The following SPECC1 variants were observed in gnomAD, a reference collection of about 807,000 sequenced individuals.
SPECC1 encodes cytospin-B.
Under a neutral mutation model 104.1 loss-of-function variants are expected in SPECC1, and 62 were observed. The ratio of observed to expected loss-of-function variants is 0.60; its 90% confidence interval spans 0.49 to 0.74. The LOEUF is 0.74. Ranked by LOEUF, SPECC1 falls within the 30% of genes least tolerant of loss-of-function variation. SPECC1 has a pLI of 0.00. For synonymous variants in SPECC1, 513 were observed against 501.6 expected, an observed-to-expected ratio of 1.02 and a Z score of -0.30; for missense variants, 1,306 against 1,310.5, an observed-to-expected ratio of 1.00 and a Z score of 0.05.
chr17:20,057,223 C>T (rs546745795), intron 1 of SPECC1, among the ~76,000 whole-genome samples: 6 of 152,206 alleles, frequency 3.9e-5, no homozygotes, highest in African/African-American at 1.2e-4. Context: ...AGGTGGATCA[C>T]GAGGTCAGGA....
At chr17:20,192,100 C>G (rs1037834083) in intron 3 of SPECC1, among the ~76,000 whole-genome samples, 29 of 152,058 alleles carry the variant, frequency 1.9e-4, no homozygotes, top group Non-Finnish European at 3.7e-4. Context: ...CCATGCCCAG[C>G]TAATTTTTGA....
intron 12 of SPECC1, among the ~76,000 whole-genome samples, chr17:20,280,416 T>C (rs1347933295): frequency 6.6e-6 from 1 of 152,218 alleles, no homozygotes; most frequent in Non-Finnish European, 1.5e-5. Context: ...GAACTCCTGC[T>C]GTTGGGCCCA....
At chr17:20,260,934 T>G (rs756058851) in intron 12 of SPECC1, among the ~76,000 whole-genome samples, 4 of 152,178 alleles carry the variant, frequency 2.6e-5, no homozygotes, top group African/African-American at 4.8e-5. Context: ...ATCAGTTGTT[T>G]AGCATTCTTC....
intron 1 of SPECC1, among the ~76,000 whole-genome samples, chr17:20,091,479 C>T (rs529528892): frequency 1.3e-5 from 2 of 152,272 alleles, no homozygotes; most frequent in Admixed American, 1.3e-4. Context: ...GTAGGGCTCC[C>T]CTTTGGGTTA....
intron 3 of SPECC1, among the ~76,000 whole-genome samples, chr17:20,161,136 G>A (rs764393794): frequency 4.6e-5 from 7 of 152,158 alleles, no homozygotes; most frequent in Non-Finnish European, 7.4e-5. Context: ...GCTTGAGCCC[G>A]GGAGGCGGAG....
At chr17:20,068,401 G>GT (rs762333729) in intron 1 of SPECC1, among the ~76,000 whole-genome samples, 1 of 152,198 alleles carries the variant, frequency 6.6e-6, no homozygotes, top group Non-Finnish European at 1.5e-5. Context: ...TGGCCACTGG[G>GT]TTTTTTCTAC....
intron 1 of SPECC1, among the ~76,000 whole-genome samples, chr17:20,031,649 C>A (rs2044818292): frequency 6.6e-6 from 1 of 152,224 alleles, no homozygotes; most frequent in African/African-American, 2.4e-5. Flanking sequence ...ACCCATTCAA[C>A]AATAACTCCA....
chr17:20,015,582 C>CTTTTTTTT (rs1469162594), intron 1 of SPECC1, among the ~76,000 whole-genome samples: 47 of 81,022 alleles, frequency 5.8e-4, no homozygotes, highest in African/African-American at 1.7e-3. Flanking sequence ...TTCCGGGTCT[C>CTTTTTTTT]TATTTTTTTT....
chr17:20,295,469 G>T (rs552572264), intron 12 of SPECC1, among the ~76,000 whole-genome samples: 10 of 152,116 alleles, frequency 6.6e-5, no homozygotes, highest in African/African-American at 1.9e-4. Context: ...GATTAGTGCC[G>T]CAATAAACAT....
chr17:20,049,165 T>G (rs1001907334), intron 1 of SPECC1, among the ~76,000 whole-genome samples: 1 of 152,174 alleles, frequency 6.6e-6, no homozygotes, highest in Non-Finnish European at 1.5e-5. Context: ...GCCATCAGTA[T>G]ATATATGCTA....
At chr17:20,050,106 C>T (rs1029512990) in intron 1 of SPECC1, among the ~76,000 whole-genome samples, 3 of 152,190 alleles carry the variant, frequency 2.0e-5, no homozygotes, top group African/African-American at 2.4e-5. Flanking sequence ...TGTGAGCCAC[C>T]GCCCCTGGCC....
intron 1 of SPECC1, among the ~76,000 whole-genome samples, chr17:20,024,957 CTT>C (rs2044542569): frequency 6.6e-6 from 1 of 152,164 alleles, no homozygotes; most frequent in South Asian, 2.1e-4. Context: ...TCTTATTAAA[CTT>C]TGCACAATGT....
chr17:20,303,493 A>G (rs2041659476), intron 13 of SPECC1, among the ~76,000 whole-genome samples: 1 of 152,114 alleles, frequency 6.6e-6, no homozygotes, highest in African/African-American at 2.4e-5. Flanking sequence ...TTTTTTGGTG[A>G]CCTGGTGCCT....
At chr17:20,241,281 T>A (rs1218938639) in intron 7 of SPECC1, among the ~76,000 whole-genome samples, 2 of 152,124 alleles carry the variant, frequency 1.3e-5, no homozygotes, top group African/African-American at 4.8e-5. Flanking sequence ...CCCTCATCCA[T>A]TTTAGGTGCA....
chr17:20,263,745 A>G lies in SPECC1; in HGVS notation c.2940+3451A>G, dbSNP rs546525168. On this transcript the variant is annotated intron_variant, in intron 12 of 14. Transcript: ENST00000395527. ...ACAGTAATGGACCAAGGCAGCTGCC[A>G]GAGTGCATATGAAAAGACAATTCAC... is the stretch of plus-strand genomic sequence containing the variant. 6.6e-5 allele frequency among the ~76,000 whole-genome samples: 10 copies of G among 152,286 alleles called. No individual in the cohort carries two copies. In the South Asian group the frequency reaches 2.1e-3, roughly 32 times the overall value.
At chr17:20,144,244 G>C (rs2031210377) in intron 3 of SPECC1, among the ~76,000 whole-genome samples, 1 of 143,182 alleles carries the variant, frequency 7.0e-6, no homozygotes, top group Admixed American at 7.2e-5. Context: ...GAGTGCAGTG[G>C]TGCGATCACA....
chr17:20,063,558 A>T (rs143822338), intron 1 of SPECC1, among the ~76,000 whole-genome samples: 1 of 152,162 alleles, frequency 6.6e-6, no homozygotes, highest in South Asian at 2.1e-4. Context: ...TTCATTCTTC[A>T]TCCTGCTTTC....
intron 12 of SPECC1, among the ~76,000 whole-genome samples, chr17:20,263,765 A>G (rs935970343): frequency 6.6e-5 from 10 of 152,150 alleles, no homozygotes; most frequent in African/African-American, 2.2e-4. Flanking sequence ...TGAAAAGACA[A>G]TTCACGTTTT....
At chr17:20,270,003 G>A (rs1284918159) in intron 12 of SPECC1, among the ~76,000 whole-genome samples, 1 of 152,068 alleles carries the variant, frequency 6.6e-6, no homozygotes, top group Non-Finnish European at 1.5e-5. Context: ...GAAAGAGCTG[G>A]GTGCAAAATC....
Sources: allele counts gnomAD v4.1 joint callset (sites outside exome capture counted in the v4.1 genomes callset), GRCh38; gene constraint gnomAD v4.1.1; transcripts MANE v1.5; gene names NCBI Gene and HGNC (gene_info 2026-07-23, HGNC 2026-07-21).